NKX2-2: variants seen among roughly 807,000 people sequenced by gnomAD.
NKX2-2 encodes the protein NK2 homeobox 2, also known as homeobox protein Nkx-2.2.
In NKX2-2, 8 loss-of-function variants were observed where a neutral mutation model predicts 24.6. The ratio of observed to expected loss-of-function variants is 0.32; its 90% CI spans 0.19 to 0.59. The LOEUF is 0.59. Ranked by LOEUF, NKX2-2 falls within the 20% of genes least tolerant of loss-of-function variation. NKX2-2 has a pLI of 0.86. For synonymous variants in NKX2-2, 217 were observed against 173.3 expected (o/e 1.25, Z -1.98); for missense variants, 381 against 373.9 (o/e 1.02, Z -0.16).
the NKX2-2 span, among the ~76,000 whole-genome samples, chr20:21,521,170 T>C: frequency 1.3e-5 from 2 of 152,030 alleles, no homozygotes; most frequent in South Asian, 4.2e-4. Context: ...TCTGTCTCTC[T>C]CTCTCCAATG....
chr20:21,514,452 C>A (rs1980563333), upstream of NKX2-2, among the ~76,000 whole-genome samples: 1 of 141,720 alleles, frequency 7.1e-6, no homozygotes, highest in Non-Finnish European at 1.5e-5. Context: ...GCGTCGCTCG[C>A]GAGTCCACAC....
upstream of NKX2-2, among the ~76,000 whole-genome samples, chr20:21,516,997 C>T (rs1252860913): frequency 3.3e-5 from 5 of 152,228 alleles, no homozygotes; most frequent in African/African-American, 9.6e-5. Flanking sequence ...TCCCCTCACC[C>T]GTGGGAGCCT....
upstream of NKX2-2, among the ~76,000 whole-genome samples, chr20:21,517,679 G>T (rs964150730): frequency 2.6e-5 from 4 of 152,196 alleles, no homozygotes; most frequent in African/African-American, 9.6e-5. Context: ...ACAGTCCAGT[G>T]TCTCCTCAAT....
At chr20:21,517,755 A>G (rs1980677901), upstream of NKX2-2, among the ~76,000 whole-genome samples, 1 of 152,056 alleles carries the variant, frequency 6.6e-6, no homozygotes, top group African/African-American at 2.4e-5. Context: ...TTTCTGTCCC[A>G]ATTAAACAGG....
upstream of NKX2-2, among the ~76,000 whole-genome samples, chr20:21,517,004 G>A (rs1019674778): frequency 1.3e-5 from 2 of 152,180 alleles, no homozygotes; most frequent in Non-Finnish European, 2.9e-5. Flanking sequence ...ACCCGTGGGA[G>A]CCTGCAAGGT....
At position 21,513,397 on chromosome 20, in the gene NKX2-2, G is replaced by A; in HGVS notation, c.259+14C>T. The A allele has an allele frequency of 6.6e-7, 1 of 1,518,204 alleles. No individual in the cohort carries two copies. Among genetic ancestry groups the A allele is most frequent in the South Asian group, 1.3e-5 (1 of 76,124 alleles). 94.0% of individuals were successfully genotyped at this position (1,518,204 alleles called of 1,614,324 possible). On this transcript the variant is annotated intron_variant, in intron 1 of 1. Transcript: ENST00000377142. This position sits in a 1 kb window ranked among gnomAD's most constrained non-coding sequence, Gnocchi z 4.6. ...AGGGGACCACGGCCTCGGCAGCCAA[G>A]TTTTGCTACTTACGGGAGTACTGAA...
upstream of NKX2-2, among the ~76,000 whole-genome samples, chr20:21,514,623 G>C (rs1980570868): frequency 6.6e-6 from 1 of 152,114 alleles, no homozygotes; most frequent in Non-Finnish European, 1.5e-5. Flanking sequence ...CGGCAAGCCG[G>C]AAAATTGGCG....
upstream of NKX2-2, among the ~76,000 whole-genome samples, chr20:21,514,785 C>A (rs1011038103): frequency 2.0e-5 from 3 of 152,190 alleles, no homozygotes; most frequent in Non-Finnish European, 4.4e-5. Flanking sequence ...TTGGTTGAGG[C>A]TTAAGGATGA....
chr20:21,518,599 A>G (rs2122552214), upstream of NKX2-2, among the ~76,000 whole-genome samples: 1 of 152,302 alleles, frequency 6.6e-6, no homozygotes, highest in Admixed American at 6.5e-5. Flanking sequence ...TGGCCCTCTA[A>G]GTCGGCTCAG....
the NKX2-2 span, among the ~76,000 whole-genome samples, chr20:21,519,515 A>T: frequency 1.3e-5 from 2 of 152,122 alleles, no homozygotes; most frequent in African/African-American, 4.8e-5. Context: ...GGGGAAGGAA[A>T]ATGTCACCCA....
chr20:21,521,733 C>T, the NKX2-2 span, among the ~76,000 whole-genome samples: 1 of 152,218 alleles, frequency 6.6e-6, no homozygotes, highest in East Asian at 1.9e-4. Context: ...CCCTTCCTCA[C>T]CGCGGCCCCG....
In NKX2-2 at chr20:21,512,489, G is replaced by A. The variant is rs770588224; in HGVS notation, c.260-4C>T. The A allele has an allele frequency of 3.9e-6, 6 of 1,547,218 alleles. No individual in the cohort carries two copies. In the African/African-American group the frequency reaches 8.1e-5, roughly 21 times the overall value. ...GCCCCGGCAGCCAGACCGTGCACTG[G>A]GGGGAGGGGGAGAGAGAAGCGCGTC... is the stretch of plus-strand genomic sequence containing the variant. On this transcript the variant is annotated splice_region_variant and splice_polypyrimidine_tract_variant and intron_variant, in intron 1 of 1. Transcript: ENST00000377142.
At chr20:21,519,601 G>A in the NKX2-2 span, among the ~76,000 whole-genome samples, 4 of 152,212 alleles carry the variant, frequency 2.6e-5, no homozygotes, top group African/African-American at 9.7e-5. Context: ...CTTTGGCTTC[G>A]ACTTCCAATG....
At chr20:21,522,071 C>T in the NKX2-2 span, among the ~76,000 whole-genome samples, 1 of 152,350 alleles carries the variant, frequency 6.6e-6, no homozygotes, top group African/African-American at 2.4e-5. Context: ...TGCGCAGCGG[C>T]GGGATCACCT....
At position 21,513,556 on chromosome 20, in the gene NKX2-2, C is replaced by A. The variant is rs754629494; in HGVS notation, c.114G>T (p.Gly38=). 14 of 1,613,186 alleles carry A rather than the reference C, an allele frequency of 8.7e-6. No homozygotes were observed. The highest frequency in any genetic ancestry group is 6.7e-5 in the African/African-American group (5 of 75,042). The part of the protein sequence containing the change: ...VAEGPEEENE[G]PEPAKRAGPL... ...GCCCGGCCCTCTTGGCTGGCTCGGG[C>A]CCCTCGTTCTCTTCCTCCGGACCTT... is the stretch of plus-strand genomic sequence containing the variant. The change falls in exon 1 of 2, where the codon GGG becomes GGT. Residue 38 remains glycine (G), a synonymous_variant. Transcript: ENST00000377142. The surrounding 1 kb of genome is among the most constrained non-coding windows in gnomAD (Gnocchi z 4.6).
In NKX2-2 at chr20:21,513,947, C is replaced by G. The variant is rs1980538485; in HGVS notation, c.-278G>C. The G allele has an allele frequency of 4.1e-6, 1 of 243,568 alleles. No homozygotes were observed. 15.1% of individuals were successfully genotyped at this position (243,568 alleles called of 1,614,324 possible). On this transcript the variant is annotated 5_prime_UTR_variant, in exon 1 of 2. Transcript: ENST00000377142. The surrounding 1 kb of genome is among the most constrained non-coding windows in gnomAD (Gnocchi z 4.6). ...GCAGGAAGCCGGGCGGCCTGCGCGC[C>G]GAGCGCCGCGGGCCCCGGCCTTAGT... is the stretch of plus-strand genomic sequence containing the variant.
At chr20:21,521,559 C>G in the NKX2-2 span, among the ~76,000 whole-genome samples, 1 of 152,232 alleles carries the variant, frequency 6.6e-6, no homozygotes, top group Non-Finnish European at 1.5e-5. Flanking sequence ...TCATCACCAC[C>G]GTCCCCTCAC....
Position 21,512,293 on chromosome 20 carries a change from C to T in NKX2-2, c.452G>A (p.Arg151Gln). 3 of 1,613,494 alleles carry T rather than the reference C, an allele frequency of 1.9e-6. No individual in the cohort carries two copies. The highest frequency in any genetic ancestry group is 1.7e-6 in the Non-Finnish European group (2 of 1,179,908). Reference protein sequence around the residue: ...YELERRFRQQRYLSAPEREHL... With the variant: ...YELERRFRQQQYLSAPEREHL... ...TTCGCGCTCGGGCGCCGACAGGTAC[C>T]GCTGCTGCCGAAAGCGCCGCTCCAG... Residue 151 changes from arginine (R) to glutamine (Q), a missense_variant, in exon 2 of 2, where the codon CGG becomes CAG. By Grantham distance (43) the Arg-to-Gln change is conservative. Around this residue, in one of 3 missense-constraint regions of NKX2-2, gnomAD observed 36 missense variants for 79.2 expected, o/e 0.45. Coordinates refer to ENST00000377142, the MANE Select transcript of NKX2-2 (RefSeq NM_002509.4).
At chr20:21,519,900 C>T in the NKX2-2 span, among the ~76,000 whole-genome samples, 1 of 152,092 alleles carries the variant, frequency 6.6e-6, no homozygotes, top group Non-Finnish European at 1.5e-5. Flanking sequence ...CGGCAGATCT[C>T]TGGCAGGAGA....
Sources: allele counts gnomAD v4.1 joint callset (sites outside exome capture counted in the v4.1 genomes callset), GRCh38; gene constraint gnomAD v4.1.1; regional missense constraint gnomAD v4.1.1; non-coding constraint Gnocchi (gnomAD v3.1); transcripts MANE v1.5; gene names NCBI Gene and HGNC (gene_info 2026-07-23, HGNC 2026-07-21).